PTPRD: variants seen among roughly 807,000 people sequenced by gnomAD.
PTPRD encodes receptor-type tyrosine-protein phosphatase delta.
Under a neutral mutation model 214.5 loss-of-function variants are expected in PTPRD, and 34 were observed. The ratio of observed to expected loss-of-function variants is 0.16; its 90% CI spans 0.12 to 0.21. The LOEUF is 0.21. PTPRD is among the 10% of genes least tolerant of loss of function. The probability of loss-of-function intolerance (pLI) is 1.00; values close to 1 mark genes in which losing one functional copy is unlikely to be tolerated. For missense variants in PTPRD, 2,545 were observed against 2,398.7 expected (o/e 1.06, Z -1.27); for synonymous variants, 1,128 against 845.7 (o/e 1.33, Z -5.79).
intron 3 of PTPRD, among the ~76,000 whole-genome samples, chr9:10,042,737 C>T (rs1046675576): frequency 8.6e-5 from 13 of 151,860 alleles, no homozygotes; most frequent in Admixed American, 3.3e-4. Flanking sequence ...TGTAGCTTGG[C>T]ACCAACACTA....
chr9:10,445,850 G>C (rs554281115), intron 2 of PTPRD, among the ~76,000 whole-genome samples: 2 of 152,002 alleles, frequency 1.3e-5, no homozygotes, highest in Non-Finnish European at 2.9e-5. Context: ...AAGAAGTTTA[G>C]TGCTAAAAAA....
chr9:9,380,971 A>G (rs769568333), intron 9 of PTPRD, among the ~76,000 whole-genome samples: 5 of 152,096 alleles, frequency 3.3e-5, no homozygotes, highest in Non-Finnish European at 4.4e-5. Context: ...TTTGCTTTGA[A>G]ATCTGCTTTG....
rs1437832242 is a variant in PTPRD at position 9,935,549 on chromosome 9, AC to A, written c.-368+2957del. Among the ~76,000 whole-genome samples, 3 of 152,122 alleles carry A rather than the reference AC, an allele frequency of 2.0e-5. No individual in the cohort carries two copies. In the East Asian group the frequency reaches 5.8e-4, roughly 29 times the overall value. The stretch of plus-strand genomic sequence containing the variant: ...GTGAAGGACCTCTCCAAGGAGAACT[AC>A]AAACCAATGCTCAAGGAAATAAAAG... On this transcript the variant is annotated intron_variant, in intron 5 of 45. Transcript: ENST00000381196.
At chr9:8,780,325 G>A (rs1025572512) in intron 11 of PTPRD, among the ~76,000 whole-genome samples, 9 of 151,898 alleles carry the variant, frequency 5.9e-5, no homozygotes, top group Non-Finnish European at 1.3e-4. Context: ...GAGAGTAGGT[G>A]TAAACATGTA....
At chr9:10,602,695 A>G (rs2078280378) in intron 2 of PTPRD, among the ~76,000 whole-genome samples, 1 of 151,860 alleles carries the variant, frequency 6.6e-6, no homozygotes, top group Non-Finnish European at 1.5e-5. Context: ...TACATAGTTC[A>G]CCACAAATAA....
intron 20 of PTPRD, 88 bp from the exon 21 acceptor site, chr9:8,518,517 G>A (rs2097827007): frequency 1.0e-6 from 1 of 953,504 alleles, no homozygotes; most frequent in African/African-American, 1.7e-5. Flanking sequence ...AAAATGACAG[G>A]ATTATGTATC....
chr9:8,471,785 A>C (rs1254038383), intron 30 of PTPRD, among the ~76,000 whole-genome samples: 1 of 152,152 alleles, frequency 6.6e-6, no homozygotes, highest in African/African-American at 2.4e-5. Flanking sequence ...CAGTCAACTA[A>C]AATTTAAGGA....
At position 10,364,001 on chromosome 9, in the gene PTPRD, T is replaced by TTTTTTTTG. The variant is rs1565557060; in HGVS notation, c.-599-22985_-599-22984insCAAAAAAA. 2.1e-4 allele frequency among the ~76,000 whole-genome samples: 26 copies of TTTTTTTTG among 123,310 alleles called. 4 individuals are homozygous for TTTTTTTTG. The highest frequency in any genetic ancestry group is 8.0e-4 in the African/African-American group (26 of 32,310). 80.9% of individuals were successfully genotyped at this position (123,310 alleles called of 152,430 possible). ...CCTCCACATTTTCGGGTTTTTTTTTTTTTTTTTTTTTTTTTTGAGATGGAG... is the reference window on the plus strand; with the variant it reads ...CCTCCACATTTTCGGGTTTTTTTTTTTTTTTTTGTTTTTTTTTTTTTTTTGAGATGGAG... On this transcript the variant is annotated intron_variant, in intron 2 of 45. Transcript: ENST00000381196.
At chr9:8,484,823 T>C (rs1459198068) in intron 29 of PTPRD, among the ~76,000 whole-genome samples, 1 of 152,160 alleles carries the variant, frequency 6.6e-6, no homozygotes, top group African/African-American at 2.4e-5. Context: ...CTTGCTAACA[T>C]CTCTTAATGG....
At chr9:9,305,163 A>G (rs998260419) in intron 9 of PTPRD, among the ~76,000 whole-genome samples, 1 of 151,562 alleles carries the variant, frequency 6.6e-6, no homozygotes, top group African/African-American at 2.4e-5. Context: ...TCACTAATAC[A>G]GTACACATAT....
chr9:9,191,861 T>C (rs2099935395), intron 9 of PTPRD, among the ~76,000 whole-genome samples: 5 of 152,068 alleles, frequency 3.3e-5, no homozygotes, highest in Admixed American at 3.3e-4. Flanking sequence ...GTATTTAGGA[T>C]ACTGGAATGT....
intron 14 of PTPRD, among the ~76,000 whole-genome samples, chr9:8,550,300 A>T (rs2081632723): frequency 6.6e-6 from 1 of 152,162 alleles, no homozygotes; most frequent in Non-Finnish European, 1.5e-5. Flanking sequence ...TTGAAGTGTC[A>T]TGAGTATTAA....
At chr9:8,337,113 A>T (rs1847712057) in intron 43 of PTPRD, among the ~76,000 whole-genome samples, 1 of 152,152 alleles carries the variant, frequency 6.6e-6, no homozygotes, top group South Asian at 2.1e-4. Flanking sequence ...TACCCAAAGG[A>T]TTATAAATCA....
rs79509858 is a variant in PTPRD at position 8,900,932 on chromosome 9, A to G, written c.-104+117765T>C. On this transcript the variant is annotated intron_variant, in intron 11 of 45. Transcript: ENST00000381196. ...AGAATTCCATCCAACTTTAATTTTCATTTTTCAAAAGTAATAAATGTCTTG... is the reference window on the plus strand; with the variant it reads ...AGAATTCCATCCAACTTTAATTTTCGTTTTTCAAAAGTAATAAATGTCTTG... 5.3e-3 allele frequency among the ~76,000 whole-genome samples: 805 copies of G among 152,280 alleles called. 13 individuals carry two copies. Among genetic ancestry groups the G allele is most frequent in the African/African-American group, 0.018 (754 of 41,556 alleles).
At chr9:8,739,532 C>T (rs1353232454) in intron 11 of PTPRD, among the ~76,000 whole-genome samples, 1 of 152,164 alleles carries the variant, frequency 6.6e-6, no homozygotes, top group African/African-American at 2.4e-5. Flanking sequence ...TTGGACAGCA[C>T]AGACTACAAC....
chr9:9,008,073 T>C (rs975183705), intron 11 of PTPRD, among the ~76,000 whole-genome samples: 3 of 146,286 alleles, frequency 2.1e-5, no homozygotes, highest in African/African-American at 7.5e-5. Flanking sequence ...ATACGAAAAT[T>C]GATAAAGAAA....
In PTPRD at chr9:10,250,698, T is replaced by G. The variant is rs1200024306; in HGVS notation, c.-545+90265A>C. Among the ~76,000 whole-genome samples the G allele has an allele frequency of 2.0e-5, 3 of 152,070 alleles. No individual in the cohort carries two copies. In the East Asian group the frequency reaches 5.8e-4, roughly 29 times the overall value. ...TTTTATCACTTCAATTCTGGAACTA[T>G]AGGCTATATGTTGGTTCACTTCCCC... is the stretch of plus-strand genomic sequence containing the variant. On this transcript the variant is annotated intron_variant, in intron 3 of 45. Coordinates refer to ENST00000381196, the MANE Select transcript of PTPRD (RefSeq NM_002839.4).
intron 35 of PTPRD, among the ~76,000 whole-genome samples, chr9:8,411,047 G>A (rs991595529): frequency 1.4e-4 from 22 of 151,924 alleles, no homozygotes; most frequent in African/African-American, 3.6e-4. Flanking sequence ...TTAATCTAAC[G>A]TGGATTAAAA....
At chr9:9,186,631 CCTCTCTCT>C (rs141616035) in intron 9 of PTPRD, among the ~76,000 whole-genome samples, 6,577 of 140,708 alleles carry the variant, frequency 0.047, 395 homozygotes, top group African/African-American at 0.14. Context: ...TCTGTCTCTC[CCTCTCTCT>C]CTCTCTCTCT....
Sources: allele counts gnomAD v4.1 joint callset (sites outside exome capture counted in the v4.1 genomes callset), GRCh38; gene constraint gnomAD v4.1.1; transcripts MANE v1.5; gene names NCBI Gene and HGNC (gene_info 2026-07-23, HGNC 2026-07-21).